Variants in KCNH5 observed in about 807,000 individuals in gnomAD.
The protein encoded by KCNH5 is potassium voltage-gated channel subfamily H member 5.
A neutral mutation model predicts 96.1 loss-of-function variants in KCNH5; 46 were observed. The observed-to-expected ratio is 0.48, with a 90% CI of 0.38 to 0.61. The LOEUF is 0.61. Ranked by LOEUF, KCNH5 falls within the 20% of genes least tolerant of loss-of-function variation. The probability of loss-of-function intolerance (pLI) is 0.00; values close to 1 mark genes in which losing one functional copy is unlikely to be tolerated. For missense variants in KCNH5, 907 were observed against 1,225.8 expected (o/e 0.74, Z 3.88); for synonymous variants, 439 against 449.8 (o/e 0.98, Z 0.30).
chr14:63,024,736 A>G (rs1279358373), intron 1 of KCNH5, among the ~76,000 whole-genome samples: 1 of 152,172 alleles, frequency 6.6e-6, no homozygotes, highest in African/African-American at 2.4e-5. Flanking sequence ...AGAAAATCTG[A>G]ATAGACCAAT....
chr14:63,016,753 A>T, intron 2 of KCNH5, 78 bp downstream of exon 2: 5 of 1,441,948 alleles, frequency 3.5e-6, no homozygotes, highest in Non-Finnish European at 4.7e-6. Flanking sequence ...TGGGAGTCCA[A>T]GTAAGCTTAA....
rs760433353 is a variant in KCNH5, at chr14:62,707,629, TG to T, written c.2845del (p.Gln949ArgfsTer74). ...CATTTGGGATTTGGGAGATGAGGCC[TG>T]GGGTACGCTTTTTTCCGACAGTATT... ...LKILSEKSVP[Q>X]ASSPKSQMPL... is the part of the protein sequence containing the mutation. On this transcript the variant is annotated frameshift_variant, in exon 11 of 11. Coordinates refer to ENST00000322893, the MANE Select transcript of KCNH5 (RefSeq NM_139318.5). LOFTEE classifies it high-confidence loss of function. 1.3e-6 allele frequency: 2 copies of T among 1,575,764 alleles called. No homozygotes were observed. Among genetic ancestry groups the T allele is most frequent in the Non-Finnish European group, 1.7e-6 (2 of 1,157,196 alleles).
At chr14:62,851,190 T>A (rs1418180479) in intron 7 of KCNH5, among the ~76,000 whole-genome samples, 1 of 152,184 alleles carries the variant, frequency 6.6e-6, no homozygotes, top group East Asian at 1.9e-4. Flanking sequence ...GGACAATTTT[T>A]TAAGACAGAT....
intron 8 of KCNH5, among the ~76,000 whole-genome samples, chr14:62,829,435 C>T (rs1433365971): frequency 6.6e-6 from 1 of 152,210 alleles, no homozygotes; most frequent in Non-Finnish European, 1.5e-5. Flanking sequence ...TTCCATACAT[C>T]CTCTGAAATC....
chr14:62,948,122 C>G (rs1889928563), intron 7 of KCNH5, among the ~76,000 whole-genome samples: 1 of 152,080 alleles, frequency 6.6e-6, no homozygotes, highest in African/African-American at 2.4e-5. Flanking sequence ...ATGATGGTTT[C>G]CAATTTCATC....
At chr14:62,759,867 C>CT (rs1885710183) in intron 10 of KCNH5, among the ~76,000 whole-genome samples, 3 of 152,078 alleles carry the variant, frequency 2.0e-5, no homozygotes, top group South Asian at 2.1e-4. Flanking sequence ...CATTTTGTGA[C>CT]TTTTTTTACA....
intron 7 of KCNH5, among the ~76,000 whole-genome samples, chr14:62,908,624 C>A (rs1889076411): frequency 6.6e-6 from 1 of 152,036 alleles, no homozygotes; most frequent in Admixed American, 6.6e-5. Context: ...CAGACTGGAG[C>A]CCTCCTGGCA....
In KCNH5 at chr14:62,747,567, C is replaced by A. The variant is rs539464097; in HGVS notation, c.2019+32161G>T. Among the ~76,000 whole-genome samples the A allele has an allele frequency of 5.9e-5, 9 of 152,270 alleles. No individual in the cohort carries two copies. In the South Asian group the frequency reaches 1.9e-3, roughly 32 times the overall value. On this transcript the variant is annotated intron_variant, in intron 10 of 10. Transcript: ENST00000322893. The stretch of plus-strand genomic sequence containing the variant: ...TCTCAGCCAAATGATAGATATAATT[C>A]AGGATGAGCTTAGAACCTGTAGTTA...
intron 6 of KCNH5, among the ~76,000 whole-genome samples, chr14:62,961,064 C>T (rs1023254411): frequency 6.6e-6 from 1 of 152,054 alleles, no homozygotes; most frequent in Non-Finnish European, 1.5e-5. Flanking sequence ...AAAATATGTA[C>T]CCTATGAAGA....
chr14:62,908,828 TAGTC>T (rs1889085895), intron 7 of KCNH5, among the ~76,000 whole-genome samples: 1 of 128,486 alleles, frequency 7.8e-6, no homozygotes, highest in Non-Finnish European at 1.6e-5. Context: ...TAATAAATCT[TAGTC>T]ATGAGTATCA....
At chr14:62,862,404 T>A (rs1292682098) in intron 7 of KCNH5, among the ~76,000 whole-genome samples, 2 of 152,142 alleles carry the variant, frequency 1.3e-5, no homozygotes, top group Non-Finnish European at 2.9e-5. Context: ...CTCAAAAAAA[T>A]TCATTTTTGC....
rs776080155 is a variant in KCNH5 at position 62,802,315 on chromosome 14, A to C, written c.1822+14T>G. The C allele has an allele frequency of 6.2e-7, 1 of 1,610,416 alleles. No homozygotes were observed. Among genetic ancestry groups the C allele is most frequent in the Non-Finnish European group, 8.5e-7 (1 of 1,176,890 alleles). On this transcript the variant is annotated intron_variant, in intron 9 of 10. Coordinates refer to ENST00000322893, the MANE Select transcript of KCNH5 (RefSeq NM_139318.5). ...ACTACGCATTTGCTACTACATTAGG[A>C]AAGTTCACAGTACCTAAAATAGCCA...
intron 8 of KCNH5, among the ~76,000 whole-genome samples, chr14:62,834,325 A>C (rs1887422089): frequency 6.6e-6 from 1 of 152,020 alleles, no homozygotes; most frequent in African/African-American, 2.4e-5. Flanking sequence ...TGTCTTTCTG[A>C]ACTCCAGAAT....
intron 1 of KCNH5, among the ~76,000 whole-genome samples, chr14:63,024,152 T>A (rs1210575272): frequency 6.6e-6 from 1 of 151,520 alleles, no homozygotes; most frequent in Non-Finnish European, 1.5e-5. Flanking sequence ...GAAGTTGCAG[T>A]GAACCGAGAT....
At chr14:62,918,295 G>C (rs565517818) in intron 7 of KCNH5, among the ~76,000 whole-genome samples, 4 of 152,132 alleles carry the variant, frequency 2.6e-5, no homozygotes, top group South Asian at 2.1e-4. Context: ...ACAATGTAAT[G>C]TACAACATAC....
intron 10 of KCNH5, among the ~76,000 whole-genome samples, chr14:62,743,658 T>C (rs937208429): frequency 1.3e-5 from 2 of 152,072 alleles, no homozygotes; most frequent in African/African-American, 4.8e-5. Context: ...AAACTCTCTT[T>C]TATATACAAA....
At chr14:62,799,722 T>TATATAC (rs1307036521) in intron 9 of KCNH5, among the ~76,000 whole-genome samples, 2 of 109,794 alleles carry the variant, frequency 1.8e-5, no homozygotes, top group East Asian at 5.3e-4. Flanking sequence ...TATATATATA[T>TATATAC]ATATACACAC....
intron 1 of KCNH5, among the ~76,000 whole-genome samples, chr14:63,017,633 A>C (rs1486390853): frequency 6.6e-6 from 1 of 151,788 alleles, no homozygotes; most frequent in Non-Finnish European, 1.5e-5. Context: ...TTGAAAATCC[A>C]ATCATATTAG....
At chr14:62,855,058 C>T (rs1887902165) in intron 7 of KCNH5, among the ~76,000 whole-genome samples, 1 of 151,714 alleles carries the variant, frequency 6.6e-6, no homozygotes, top group South Asian at 2.1e-4. Flanking sequence ...CTTCTAATTC[C>T]TCACTATTGA....
Sources: allele counts gnomAD v4.1 joint callset (sites outside exome capture counted in the v4.1 genomes callset), GRCh38; gene constraint gnomAD v4.1.1; transcripts MANE v1.5; gene names NCBI Gene and HGNC (gene_info 2026-07-23, HGNC 2026-07-21).